SANBR: variants seen among roughly 807,000 people sequenced by gnomAD.
SANBR encodes the protein SANT and BTB domain regulator of CSR.
SANBR carries 77 observed loss-of-function variants against 101.8 expected under a neutral mutation model. The observed-to-expected ratio is 0.76, with a 90% confidence interval of 0.63 to 0.91. SANBR has a LOEUF of 0.91. Among genes scored for constraint, SANBR ranks in the 40% least tolerant of loss-of-function variants. SANBR has a pLI of 0.00. For missense variants in SANBR, 875 were observed against 853.0 expected (o/e 1.03, Z -0.32); for synonymous variants, 279 against 274.7 (o/e 1.02, Z -0.15).
chr2:61,098,327 C>G (rs566371768), intron 12 of SANBR, among the ~76,000 whole-genome samples: 1 of 152,194 alleles, frequency 6.6e-6, no homozygotes, highest in South Asian at 2.1e-4. Context: ...TGGTCTCGAA[C>G]TCATGAGCTG....
At chr2:61,077,362 C>T (rs1303837283) in intron 6 of SANBR, among the ~76,000 whole-genome samples, 1 of 152,214 alleles carries the variant, frequency 6.6e-6, no homozygotes, top group African/African-American at 2.4e-5. Context: ...TCTAGATCAG[C>T]AGTTCCCAAT....
intron 5 of SANBR, among the ~76,000 whole-genome samples, chr2:61,076,623 G>A (rs369474565): frequency 2.1e-5 from 3 of 142,930 alleles, no homozygotes; most frequent in African/African-American, 7.7e-5. Flanking sequence ...GAGAGACTCC[G>A]TCTAAAAAAA....
intron 21 of SANBR, among the ~76,000 whole-genome samples, chr2:61,136,698 G>C (rs538862380): frequency 6.6e-6 from 1 of 151,376 alleles, no homozygotes; most frequent in Middle Eastern, 3.4e-3. Flanking sequence ...TAGGCTGGGC[G>C]TGGGGGCTCA....
intron 17 of SANBR, among the ~76,000 whole-genome samples, chr2:61,116,713 T>C (rs1684093196): frequency 6.6e-6 from 1 of 152,076 alleles, no homozygotes; most frequent in Admixed American, 6.6e-5. Flanking sequence ...CATTCATCTT[T>C]GTGTTAAGTA....
chr2:61,105,144 G>A (rs941150271), intron 13 of SANBR, among the ~76,000 whole-genome samples: 3 of 151,694 alleles, frequency 2.0e-5, no homozygotes, highest in African/African-American at 7.3e-5. Context: ...ACTTTGAGAG[G>A]CCGAGGCAGG....
intron 20 of SANBR, among the ~76,000 whole-genome samples, chr2:61,120,974 T>C (rs1684307666): frequency 6.6e-6 from 1 of 152,186 alleles, no homozygotes; most frequent in African/African-American, 2.4e-5. Context: ...GTCTTCATTG[T>C]GACAGTAGTT....
Position 61,118,251 on chromosome 2 carries a change from T to G in SANBR, c.2028+135T>G, listed in dbSNP as rs35309747. 18 of 676,680 alleles carry G rather than the reference T, an allele frequency of 2.7e-5. No individual in the cohort carries two copies. The Middle Eastern group carries it at 1.2e-3, about 46-fold the overall frequency. The allele number at this position is 676,680 out of a possible 1,614,324, so 41.9% of individuals were successfully genotyped here. On this transcript the variant is annotated intron_variant, in intron 20 of 21. Transcript: ENST00000402291. ...TATGTGTTTGTTTGTTTGTTTGTTT[T>G]TTTCTTTGAGATGGAGTTTTGCTCT...
chr2:61,105,734 C>T (rs540669290), intron 13 of SANBR, among the ~76,000 whole-genome samples: 44 of 150,924 alleles, frequency 2.9e-4, no homozygotes, highest in Non-Finnish European at 5.2e-4. Context: ...TGCAGTGGTG[C>T]GATCTCAGCT....
chr2:61,101,853 A>G (rs980230106), intron 12 of SANBR, among the ~76,000 whole-genome samples: 2 of 151,772 alleles, frequency 1.3e-5, no homozygotes, highest in Non-Finnish European at 2.9e-5. Flanking sequence ...CCTGGCCAAC[A>G]TGGCGAAAAC....
chr2:61,113,994 A>T (rs976323914), intron 16 of SANBR, among the ~76,000 whole-genome samples: 12 of 152,186 alleles, frequency 7.9e-5, no homozygotes, highest in Non-Finnish European at 1.6e-4. Context: ...TATTGAGAAG[A>T]TCATATAGAT....
In SANBR at chr2:61,118,080, G is replaced by A; in HGVS notation, c.1992G>A (p.Gly664=). ...GGCACCTAATAAAAATGAGATTGGG[G>A]GATCTGGACCGAGTCAAGTCAAAGG... ...ITGHLIKMRL[G]DLDRVKSKEA... is the part of the protein sequence containing the mutation. Residue 664 remains glycine (G), a synonymous_variant, in exon 20 of 22, where the codon GGG becomes GGA. Transcript: ENST00000402291. 1.2e-6 allele frequency: 2 copies of A among 1,613,772 alleles called. No homozygotes were observed. Among genetic ancestry groups the A allele is most frequent in the Non-Finnish European group, 8.5e-7 (1 of 1,179,826 alleles).
Position 61,123,152 on chromosome 2 carries a change from A to G in SANBR, c.*990A>G. The G allele has an allele frequency of 1.0e-6, 1 of 981,266 alleles. No homozygotes were observed. The highest frequency in any genetic ancestry group is 1.2e-6 in the Non-Finnish European group (1 of 825,976). 60.8% of individuals were successfully genotyped at this position (981,266 alleles called of 1,614,324 possible). Reference sequence around the variant, plus strand: ...GCCAGGCAGAAAGAGTGCTCAGGGAAAATTTGTTCCAAACTATAACCATAT... The same window carrying G: ...GCCAGGCAGAAAGAGTGCTCAGGGAGAATTTGTTCCAAACTATAACCATAT... On this transcript the variant is annotated 3_prime_UTR_variant, in exon 22 of 22. Coordinates refer to ENST00000402291, the MANE Select transcript of SANBR (RefSeq NM_001129993.3).
intron 20 of SANBR, among the ~76,000 whole-genome samples, chr2:61,130,929 CAAAAAAAAAAAAAAA>C (rs59171411): frequency 6.1e-3 from 81 of 13,242 alleles, no homozygotes; most frequent in African/African-American, 0.017. Context: ...GACTCTGTCT[CAAAAAAAAAAAAAAA>C]AAAAAAAAAA....
chr2:61,135,063 G>A (rs967848528), intron 21 of SANBR, among the ~76,000 whole-genome samples: 9 of 152,076 alleles, frequency 5.9e-5, no homozygotes, highest in South Asian at 2.1e-4. Flanking sequence ...GGTGGCACGC[G>A]CCTGTAATCC....
intron 2 of SANBR, among the ~76,000 whole-genome samples, chr2:61,069,463 T>C (rs1335501207): frequency 6.6e-6 from 1 of 152,178 alleles, no homozygotes; most frequent in Admixed American, 6.5e-5. Context: ...GCCTTTTCCA[T>C]TGTACTGGTC....
At chr2:61,086,936 A>G (rs940752290) in intron 8 of SANBR, among the ~76,000 whole-genome samples, 1 of 152,230 alleles carries the variant, frequency 6.6e-6, no homozygotes, top group Non-Finnish European at 1.5e-5. Flanking sequence ...TTGGCTTTTA[A>G]TAGCAGAAGA....
chr2:61,092,454 C>T lies in SANBR; in HGVS notation c.1089-10C>T. On this transcript the variant is annotated splice_polypyrimidine_tract_variant and intron_variant, in intron 10 of 21. Transcript: ENST00000402291. The stretch of plus-strand genomic sequence containing the variant: ...ATCACTTGCTTGTAAAATTGAGGCT[C>T]TTTCTCCAGAGATAAGACATGGGAT... 1.3e-6 allele frequency: 2 copies of T among 1,529,424 alleles called. No homozygotes were observed. The highest frequency in any genetic ancestry group is 1.4e-5 in the African/African-American group (1 of 71,418). The allele number at this position is 1,529,424 out of a possible 1,614,324, so 94.7% of individuals were successfully genotyped here.
At chr2:61,099,366 AATTTAAT>A (rs1423437463) in intron 12 of SANBR, among the ~76,000 whole-genome samples, 1 of 152,220 alleles carries the variant, frequency 6.6e-6, no homozygotes, top group Admixed American at 6.5e-5. Flanking sequence ...GAAGTGGATG[AATTTAAT>A]ATTTAAGAGA....
At chr2:61,132,380 A>G (rs1031789213) in intron 20 of SANBR, among the ~76,000 whole-genome samples, 4 of 152,246 alleles carry the variant, frequency 2.6e-5, no homozygotes, top group Non-Finnish European at 4.4e-5. Context: ...ATTTTTCCAA[A>G]GAAGATATAC....
Sources: gnomAD v4.1 joint callset for allele counts (sites outside exome capture counted in the v4.1 genomes callset) on GRCh38, gnomAD v4.1.1 for gene constraint, MANE v1.5 for transcripts, NCBI Gene and HGNC (gene_info 2026-07-23, HGNC 2026-07-21) for gene names.